RARB: variants seen among roughly 807,000 people sequenced by gnomAD.
The protein encoded by RARB is retinoic acid receptor beta.
Under a neutral mutation model 51.9 loss-of-function variants are expected in RARB, and 17 were observed. The ratio of observed to expected loss-of-function variants is 0.33; its 90% CI spans 0.22 to 0.49. RARB has a LOEUF of 0.49. Ranked by LOEUF, RARB falls within the 20% of genes least tolerant of loss-of-function variation. The pLI is 0.99. For synonymous variants in RARB, 215 were observed against 195.4 expected, an observed-to-expected ratio of 1.10 and a Z score of -0.84; for missense variants, 369 against 550.8, an observed-to-expected ratio of 0.67 and a Z score of 3.30.
chr3:25,068,635 T>G (rs1431322712), intron 3 of RARB, among the ~76,000 whole-genome samples: 4 of 152,152 alleles, frequency 2.6e-5, no homozygotes, highest in African/African-American at 9.7e-5. Flanking sequence ...ATTTTAATCC[T>G]TAGGTACCCA....
intron 2 of RARB, among the ~76,000 whole-genome samples, chr3:24,899,079 T>C (rs1233289249): frequency 1.3e-5 from 2 of 152,212 alleles, no homozygotes; most frequent in South Asian, 2.1e-4. Flanking sequence ...ATGTAAATTC[T>C]CAGGCCCTGC....
At chr3:25,457,992 C>G (rs1445916456) in intron 1 of RARB, among the ~76,000 whole-genome samples, 1 of 152,188 alleles carries the variant, frequency 6.6e-6, no homozygotes, top group African/African-American at 2.4e-5. Context: ...AATCAAACCA[C>G]TCCAAAAGGT....
At chr3:25,137,640 T>C (rs1371737349) in intron 4 of RARB, among the ~76,000 whole-genome samples, 1 of 152,144 alleles carries the variant, frequency 6.6e-6, no homozygotes, top group African/African-American at 2.4e-5. Flanking sequence ...TCTCAATTTC[T>C]AGTGGAAATT....
intron 2 of RARB, among the ~76,000 whole-genome samples, chr3:25,046,406 C>G (rs1431755891): frequency 6.6e-6 from 1 of 152,186 alleles, no homozygotes; most frequent in Non-Finnish European, 1.5e-5. Context: ...GAAGGCAGCA[C>G]TCTTTAAGAC....
chr3:25,299,760 A>T (rs12108115), intron 5 of RARB, among the ~76,000 whole-genome samples: 10,830 of 151,838 alleles, frequency 0.071, 632 homozygotes, highest in Middle Eastern at 0.11. Flanking sequence ...GGCACCAAAA[A>T]AAATAAATAA....
chr3:25,497,360 A>G (rs1697092971), intron 2 of RARB, among the ~76,000 whole-genome samples: 1 of 152,228 alleles, frequency 6.6e-6, no homozygotes, highest in Non-Finnish European at 1.5e-5. Flanking sequence ...GCTGGTTTCC[A>G]GAAGTTGCTA....
At chr3:25,578,039 C>G (rs1411208289) in intron 4 of RARB, among the ~76,000 whole-genome samples, 4 of 152,226 alleles carry the variant, frequency 2.6e-5, no homozygotes, top group Admixed American at 2.6e-4. Context: ...GCCTCATACT[C>G]ACAGCAAGGG....
intron 5 of RARB, among the ~76,000 whole-genome samples, chr3:25,184,963 C>T (rs774893000): frequency 2.6e-5 from 4 of 152,072 alleles, no homozygotes; most frequent in African/African-American, 7.2e-5. Context: ...CCATGCTTTG[C>T]GGCCACAATT....
At chr3:24,862,622 C>G (rs936574088) in intron 2 of RARB, among the ~76,000 whole-genome samples, 3 of 152,104 alleles carry the variant, frequency 2.0e-5, no homozygotes, top group Non-Finnish European at 2.9e-5. Context: ...CTGGTAGTCA[C>G]TTAGTCATTT....
At chr3:24,857,059 G>A (rs1395247860) in intron 1 of RARB, among the ~76,000 whole-genome samples, 2 of 152,080 alleles carry the variant, frequency 1.3e-5, no homozygotes, top group South Asian at 2.1e-4. Context: ...AGCACCAAAA[G>A]TTTTTATTCA....
At chr3:25,577,011 A>G (rs1320986977) in intron 4 of RARB, among the ~76,000 whole-genome samples, 16 of 152,196 alleles carry the variant, frequency 1.1e-4, no homozygotes, top group Non-Finnish European at 5.9e-5. Flanking sequence ...TCTTGTAGCC[A>G]CCTGATGGAA....
intron 4 of RARB, among the ~76,000 whole-genome samples, chr3:25,161,584 G>A (rs1700473939): frequency 6.6e-6 from 1 of 152,052 alleles, no homozygotes; most frequent in Non-Finnish European, 1.5e-5. Flanking sequence ...GCTCACAAAT[G>A]TAAAACACTC....
At chr3:25,189,249 A>G (rs1701043825) in intron 5 of RARB, among the ~76,000 whole-genome samples, 1 of 152,194 alleles carries the variant, frequency 6.6e-6, no homozygotes, top group Admixed American at 6.5e-5. Context: ...GTCTCCAGGT[A>G]CATCGCTCTC....
intron 1 of RARB, among the ~76,000 whole-genome samples, chr3:25,459,750 T>A (rs1348842434): frequency 6.6e-6 from 1 of 152,218 alleles, no homozygotes; most frequent in East Asian, 1.9e-4. Context: ...CAGGAGAATA[T>A]CTACTCTGGG....
At chr3:25,056,412 C>T (rs1698443640) in intron 2 of RARB, among the ~76,000 whole-genome samples, 1 of 152,220 alleles carries the variant, frequency 6.6e-6, no homozygotes, top group South Asian at 2.1e-4. Context: ...GCCCAGTAGC[C>T]TATCAGTTTG....
At chr3:25,364,739 A>G (rs1246488639) in intron 5 of RARB, among the ~76,000 whole-genome samples, 1 of 152,190 alleles carries the variant, frequency 6.6e-6, no homozygotes, top group Non-Finnish European at 1.5e-5. Flanking sequence ...ATATCCAGTA[A>G]TTTTGTCTTT....
intron 5 of RARB, among the ~76,000 whole-genome samples, chr3:25,182,499 T>G (rs906673475): frequency 8.5e-5 from 13 of 152,206 alleles, no homozygotes; most frequent in Middle Eastern, 3.4e-3. Flanking sequence ...GTAGCCAATG[T>G]CCCCAAGGGG....
At chr3:24,967,222 C>T (rs1204139131) in intron 2 of RARB, among the ~76,000 whole-genome samples, 2 of 152,062 alleles carry the variant, frequency 1.3e-5, no homozygotes, top group Non-Finnish European at 2.9e-5. Flanking sequence ...TCGTTGGTCA[C>T]AGTTGGTATC....
rs1575163102 is a variant in RARB, at chr3:25,106,451, G to GGTTTTTTTTTTTTTTTTTTTTTTTT, written c.-327-25710_-327-25709insGTTTTTTTTTTTTTTTTTTTTTTTT. ...CCACCATGCCCAGCTACTGTTTTTT[G>GGTTTTTTTTTTTTTTTTTTTTTTTT]TTTTTTGTTTTTTTTTGTTTTGTTT... On this transcript the variant is annotated intron_variant, in intron 3 of 11. Coordinates refer to the RARB transcript ENST00000383772. Among the ~76,000 whole-genome samples, 7 of 70,532 alleles carry GGTTTTTTTTTTTTTTTTTTTTTTTT rather than the reference G, an allele frequency of 9.9e-5. 2 individuals are homozygous for GGTTTTTTTTTTTTTTTTTTTTTTTT. Among genetic ancestry groups the GGTTTTTTTTTTTTTTTTTTTTTTTT allele is most frequent in the African/African-American group, 3.7e-4 (6 of 16,162 alleles). The allele number at this position is 70,532 out of a possible 152,430, so 46.3% of individuals were successfully genotyped here.
Sources: allele counts gnomAD v4.1 joint callset (sites outside exome capture counted in the v4.1 genomes callset), GRCh38; gene constraint gnomAD v4.1.1; transcripts MANE v1.5; gene names NCBI Gene and HGNC (gene_info 2026-07-23, HGNC 2026-07-21).